Variants in GRIK5 observed in about 807,000 individuals in gnomAD.
The protein encoded by GRIK5 is glutamate receptor ionotropic, kainate 5.
Under a neutral mutation model 97.4 loss-of-function variants are expected in GRIK5, and 43 were observed. The observed-to-expected ratio is 0.44, with a 90% CI of 0.35 to 0.57. The LOEUF (loss-of-function observed/expected upper bound fraction) is 0.57. Ranked by LOEUF, GRIK5 falls within the 20% of genes least tolerant of loss-of-function variation. The pLI, the probability that GRIK5 is intolerant of heterozygous loss-of-function variation, is 0.01. For missense variants in GRIK5, 1,015 were observed against 1,382.0 expected (o/e 0.73, Z 4.21); for synonymous variants, 580 against 583.5 (o/e 0.99, Z 0.09).
intron 9 of GRIK5, 52 bp from the exon 10 acceptor site, chr19:42,053,981 G>T: frequency 8.0e-7 from 1 of 1,251,290 alleles, no homozygotes; most frequent in Non-Finnish European, 1.2e-6. Context: ...CCCAGAGATG[G>T]GCAGGGAAGG....
chr19:42,057,147 G>A (rs895809793), intron 6 of GRIK5, among the ~76,000 whole-genome samples, 169 bp from the exon 7 acceptor site: 2 of 152,176 alleles, frequency 1.3e-5, no homozygotes, highest in African/African-American at 4.8e-5. Context: ...ACAGGGAGGA[G>A]GAGACAAGTG....
intron 12 of GRIK5, among the ~76,000 whole-genome samples, chr19:42,027,373 G>A (rs1399592412): frequency 6.6e-6 from 1 of 152,218 alleles, no homozygotes; most frequent in Admixed American, 6.5e-5. Context: ...CAGGCTGAGT[G>A]ATCAGCGGGT....
intron 12 of GRIK5, among the ~76,000 whole-genome samples, chr19:42,027,755 C>A (rs1287049610): frequency 1.3e-5 from 2 of 152,134 alleles, no homozygotes; most frequent in Non-Finnish European, 2.9e-5. Context: ...CAAGTTCTTC[C>A]TAGGCTCCTC....
At chr19:42,033,932 G>A (rs186672415) in intron 12 of GRIK5, among the ~76,000 whole-genome samples, 2 of 152,288 alleles carry the variant, frequency 1.3e-5, no homozygotes, top group Admixed American at 1.3e-4. Flanking sequence ...CCCAGGAGGT[G>A]GAGGTCGCAG....
intron 11 of GRIK5, among the ~76,000 whole-genome samples, chr19:42,047,673 A>G (rs2076059542): frequency 6.6e-6 from 1 of 152,034 alleles, no homozygotes; most frequent in Admixed American, 6.6e-5. Flanking sequence ...ACCCATATGG[A>G]AAAAAATGTA....
In GRIK5 at chr19:41,999,070, G is replaced by A; in HGVS notation, c.2744C>T (p.Pro915Leu). ...GPQRLLDDPG[P>L]PSGARPAAPT... ...GGCGGCGGGTCGGGCTCCGCTGGGGGGCCCCGGGTCGTCCAGGAGGCGCTG... is the reference window on the plus strand; with the variant it reads ...GGCGGCGGGTCGGGCTCCGCTGGGGAGCCCCGGGTCGTCCAGGAGGCGCTG... Residue 915 changes from proline to leucine, a missense_variant, in exon 20 of 20, where the codon CCC becomes CTC. Around this residue, in one of 5 missense-constraint regions of GRIK5, gnomAD observed 109 missense variants for 100.4 expected, o/e 1.09. Coordinates refer to ENST00000593562, the MANE Select transcript of GRIK5 (RefSeq NM_002088.5). This position sits in a 1 kb window ranked among gnomAD's most constrained non-coding sequence, Gnocchi z 5.0. The A allele has an allele frequency of 7.9e-7, 1 of 1,272,388 alleles. No homozygotes were observed. Among genetic ancestry groups the A allele is most frequent in the South Asian group, 2.5e-5 (1 of 39,676 alleles). The allele number at this position is 1,272,388 out of a possible 1,614,324, so 78.8% of individuals were successfully genotyped here. A position where few individuals can be genotyped will look rare whatever the true frequency, so the allele number is the denominator to read the frequency against.
chr19:42,043,664 G>A (rs998915681), intron 11 of GRIK5, among the ~76,000 whole-genome samples: 9 of 151,828 alleles, frequency 5.9e-5, no homozygotes, highest in South Asian at 2.1e-4. Context: ...CGCCCACCTC[G>A]GCCTCCCAAA....
chr19:42,007,381 G>A (rs148014959), intron 15 of GRIK5, among the ~76,000 whole-genome samples: 106 of 152,212 alleles, frequency 7.0e-4, no homozygotes, highest in African/African-American at 2.4e-3. Flanking sequence ...AGGAGTGAGC[G>A]ACCACGCCCG....
At chr19:42,049,784 A>C (rs960924382) in intron 11 of GRIK5, among the ~76,000 whole-genome samples, 10 of 152,106 alleles carry the variant, frequency 6.6e-5, no homozygotes, top group African/African-American at 2.4e-4. Context: ...CAAAAAATTA[A>C]AGTAGGGTAG....
chr19:41,999,431 C>A lies in GRIK5; in HGVS notation c.2515-132G>T. 1.5e-6 allele frequency: 1 copy of A among 661,794 alleles called. No individual in the cohort carries two copies. Among genetic ancestry groups the A allele is most frequent in the South Asian group, 2.0e-5 (1 of 48,954 alleles). 41.0% of individuals were successfully genotyped at this position (661,794 alleles called of 1,614,324 possible). A position where few individuals can be genotyped will look rare whatever the true frequency, so the allele number is the denominator to read the frequency against. ...CTTCCTTCTGCCCTCGCTTCCCTTC[C>A]CACTTCTCTTCCCTTTATCTCCCCC... On this transcript the variant is annotated intron_variant, in intron 19 of 19. Transcript: ENST00000593562. This position sits in a 1 kb window ranked among gnomAD's most constrained non-coding sequence, Gnocchi z 5.0.
intron 15 of GRIK5, among the ~76,000 whole-genome samples, chr19:42,008,046 T>C (rs1231095847): frequency 1.3e-5 from 2 of 152,048 alleles, no homozygotes; most frequent in Non-Finnish European, 2.9e-5. Flanking sequence ...TTTTTTTTTT[T>C]CTTGAGACAG....
At chr19:42,019,166 G>A (rs1285833193) in intron 15 of GRIK5, among the ~76,000 whole-genome samples, 1 of 152,048 alleles carries the variant, frequency 6.6e-6, no homozygotes, top group Non-Finnish European at 1.5e-5. Flanking sequence ...GCAGAGATGA[G>A]GGCACTGGTC....
At chr19:42,019,508 C>G (rs2075671494) in intron 15 of GRIK5, among the ~76,000 whole-genome samples, 1 of 152,216 alleles carries the variant, frequency 6.6e-6, no homozygotes, top group Non-Finnish European at 1.5e-5. Flanking sequence ...GCCCCGCCCA[C>G]CAGCACCAAA....
chr19:42,020,054 T>G (rs1012778219), intron 15 of GRIK5, among the ~76,000 whole-genome samples: 2 of 151,262 alleles, frequency 1.3e-5, no homozygotes, highest in African/African-American at 4.9e-5. Context: ...CGTGGCACGA[T>G]CACAGCTCAC....
chr19:41,999,374 C>G lies in GRIK5; in HGVS notation c.2515-75G>C. 9.6e-7 allele frequency: 1 copy of G among 1,038,480 alleles called. No homozygotes were observed. Among genetic ancestry groups the G allele is most frequent in the East Asian group, 3.1e-5 (1 of 31,912 alleles). The allele number at this position is 1,038,480 out of a possible 1,614,324, so 64.3% of individuals were successfully genotyped here. On this transcript the variant is annotated intron_variant, in intron 19 of 19. Transcript: ENST00000593562. This position sits in a 1 kb window ranked among gnomAD's most constrained non-coding sequence, Gnocchi z 5.0. Reference sequence around the variant, plus strand: ...TCCCCCAGCCCCTCTCCACATCCCACTCCTCCTCCTCCTTTCCTCGCCCGG... The same window carrying G: ...TCCCCCAGCCCCTCTCCACATCCCAGTCCTCCTCCTCCTTTCCTCGCCCGG...
rs1356554035 is a variant in GRIK5 at position 41,999,066 on chromosome 19, G to T, written c.2748C>A (p.Pro916=). 1 of 1,266,300 alleles carries T rather than the reference G, an allele frequency of 7.9e-7. No homozygotes were observed. Among genetic ancestry groups the T allele is most frequent in the Non-Finnish European group, 9.9e-7 (1 of 1,009,686 alleles). 78.4% of individuals were successfully genotyped at this position (1,266,300 alleles called of 1,614,324 possible). The change falls in exon 20 of 20, where the codon CCC becomes CCA. Residue 916 remains proline (P), a synonymous_variant. Transcript: ENST00000593562. The surrounding 1 kb of genome is among the most constrained non-coding windows in gnomAD (Gnocchi z 5.0). ...PQRLLDDPGP[P]SGARPAAPTP... ...TGGGGGCGGCGGGTCGGGCTCCGCT[G>T]GGGGGCCCCGGGTCGTCCAGGAGGC... is the stretch of plus-strand genomic sequence containing the variant.
chr19:42,054,346 T>C lies in GRIK5; in HGVS notation c.1030A>G (p.Thr344Ala), dbSNP rs1599835222. The change falls in exon 9 of 20, where the codon ACC (threonine) becomes GCC (alanine). Residue 344 changes from threonine (T) to alanine (A), a missense_variant. By Grantham distance (58) the Thr-to-Ala change is moderately conservative. Transcript: ENST00000593562. ...ATGCGCAGGTAGTTCATGAGGCTGG[T>C]CCCGTGGGGCCAAATGTTGGCCGAT... ...CTSANIWPHG[T>A]SLMNYLRMVE... 1 of 1,612,948 alleles carries C rather than the reference T, an allele frequency of 6.2e-7. No individual in the cohort carries two copies. Among genetic ancestry groups the C allele is most frequent in the Non-Finnish European group, 8.5e-7 (1 of 1,179,654 alleles).
Position 42,022,520 on chromosome 19 carries a change from G to A in GRIK5, c.1474-166C>T. The A allele has an allele frequency of 1.0e-6, 1 of 985,154 alleles. No individual in the cohort carries two copies. The highest frequency in any genetic ancestry group is 1.7e-5 in the African/African-American group (1 of 57,250). The allele number at this position is 985,154 out of a possible 1,614,324, so 61.0% of individuals were successfully genotyped here. A position where few individuals can be genotyped will look rare whatever the true frequency, so the allele number is the denominator to read the frequency against. On this transcript the variant is annotated intron_variant, in intron 12 of 19. Transcript: ENST00000593562. The surrounding 1 kb of genome is among the most constrained non-coding windows in gnomAD (Gnocchi z 4.2). ...TGGACTGACTCCAGGAGCCCACCTT[G>A]GGCCTGAAATCGGACCCTCATCGCA...
chr19:42,054,446 G>T lies in GRIK5; in HGVS notation c.930C>A (p.Ala310=), dbSNP rs199762676. 1 of 1,613,324 alleles carries T rather than the reference G, an allele frequency of 6.2e-7. No individual in the cohort carries two copies. Among genetic ancestry groups the T allele is most frequent in the Non-Finnish European group, 8.5e-7 (1 of 1,179,974 alleles). ...PALSAALMFD[A]VHVVVSAVRE... Reference sequence around the variant, plus strand: ...GGACAGCGCTCACCACCACGTGCACGGCGTCAAACATCAGGGCGGCTGACA... The same window carrying T: ...GGACAGCGCTCACCACCACGTGCACTGCGTCAAACATCAGGGCGGCTGACA... Residue 310 remains alanine, a synonymous_variant, in exon 9 of 20, where the codon GCC becomes GCA. Transcript: ENST00000593562.
Sources: gnomAD v4.1 joint callset for allele counts (sites outside exome capture counted in the v4.1 genomes callset) on GRCh38, gnomAD v4.1.1 for gene constraint, gnomAD v4.1.1 regional missense constraint, Gnocchi (gnomAD v3.1) non-coding constraint, MANE v1.5 for transcripts, NCBI Gene and HGNC (gene_info 2026-07-23, HGNC 2026-07-21) for gene names.